The following DHDH variants were observed in gnomAD, a reference collection of about 807,000 sequenced individuals.
The protein encoded by DHDH is trans-1,2-dihydrobenzene-1,2-diol dehydrogenase.
Under a neutral mutation model 33.2 loss-of-function variants are expected in DHDH, and 29 were observed. The ratio of observed to expected loss-of-function variants is 0.87; its 90% CI spans 0.65 to 1.19. The LOEUF (loss-of-function observed/expected upper bound fraction) is 1.19. DHDH is among the 50% of genes most tolerant of loss of function. DHDH has a pLI of 0.00. For missense variants in DHDH, 431 were observed against 455.0 expected, an observed-to-expected ratio of 0.95 and a Z score of 0.48; for synonymous variants, 201 against 187.9, an observed-to-expected ratio of 1.07 and a Z score of -0.57.
chr19:48,932,947 C>A (rs962324188), upstream of DHDH, among the ~76,000 whole-genome samples: 2 of 152,294 alleles, frequency 1.3e-5, no homozygotes, highest in East Asian at 1.9e-4. Flanking sequence ...GAGAGGGCGA[C>A]CTCTTGTCCA....
chr19:48,944,755 T>C (rs2037917324), intron 6 of DHDH, 69 bp from the exon 7 acceptor site: 2 of 1,411,418 alleles, frequency 1.4e-6, no homozygotes, highest in South Asian at 1.2e-5. Context: ...CATGGAATTC[T>C]GGGAATTGTA....
At chr19:48,940,817 C>T (rs1223557718) in intron 4 of DHDH, among the ~76,000 whole-genome samples, 4 of 152,152 alleles carry the variant, frequency 2.6e-5, no homozygotes, top group Admixed American at 6.6e-5. Context: ...GATGGTGCCA[C>T]TGCATTCCAG....
intron 2 of DHDH, among the ~76,000 whole-genome samples, 168 bp from the exon 3 acceptor site, chr19:48,935,864 G>A (rs2037765586): frequency 6.6e-6 from 1 of 152,096 alleles, no homozygotes; most frequent in Admixed American, 6.5e-5. Context: ...AAGAGAGCGA[G>A]AATGGCGAGA....
At chr19:48,944,555 T>A in intron 6 of DHDH, 48 bp downstream of exon 6, 1 of 1,550,006 alleles carries the variant, frequency 6.5e-7, no homozygotes, top group Non-Finnish European at 8.7e-7. Context: ...AGGGGGATGT[T>A]GGGCCCCTCC....
chr19:48,944,248 C>G, intron 5 of DHDH, 109 bp from the exon 6 acceptor site: 1 of 1,464,538 alleles, frequency 6.8e-7, no homozygotes, highest in Non-Finnish European at 9.4e-7. Context: ...AAGCTCTTAG[C>G]CACCAGGTTC....
In DHDH at chr19:48,938,726, A is replaced by G. The variant is rs138813750; in HGVS notation, c.367-723A>G. Among the ~76,000 whole-genome samples, 1,349 of 149,690 alleles carry G rather than the reference A, an allele frequency of 9.0e-3. 24 individuals carry two copies. The highest frequency in any genetic ancestry group is 0.031 in the African/African-American group (1,237 of 40,550). On this transcript the variant is annotated intron_variant, in intron 3 of 6. Coordinates refer to ENST00000221403, the MANE Select transcript of DHDH (RefSeq NM_014475.4). ...ACGGTGCGATCTTCAGCTCACTGCAACCTCCACCTCCCGGGTTCAAGCAAT... is the reference window on the plus strand; with the variant it reads ...ACGGTGCGATCTTCAGCTCACTGCAGCCTCCACCTCCCGGGTTCAAGCAAT...
intron 4 of DHDH, among the ~76,000 whole-genome samples, chr19:48,940,846 A>T (rs974325940): frequency 6.6e-6 from 1 of 151,984 alleles, no homozygotes; most frequent in Admixed American, 6.6e-5. Flanking sequence ...ACAGAGCCAG[A>T]CCCTGTCTCC....
intron 4 of DHDH, among the ~76,000 whole-genome samples, chr19:48,941,839 A>C (rs1157503230): frequency 2.1e-5 from 3 of 145,332 alleles, no homozygotes; most frequent in Non-Finnish European, 4.5e-5. Context: ...CACCCAACTA[A>C]ATTTTTTATT....
chr19:48,933,681 C>T, upstream of DHDH: 4 of 1,604,650 alleles, frequency 2.5e-6, no homozygotes, highest in Non-Finnish European at 3.4e-6. Flanking sequence ...TTAATTCGCG[C>T]CTGGAGGGAC....
intron 4 of DHDH, 94 bp downstream of exon 4, chr19:48,939,795 T>C: frequency 6.7e-7 from 1 of 1,484,504 alleles, no homozygotes; most frequent in South Asian, 1.4e-5. Flanking sequence ...TCAATGAGAA[T>C]TAGATCAGAC....
Position 48,944,924 on chromosome 19 carries a change from C to T in DHDH, c.996C>T (p.Asp332=). ...CCATTGGAGTCACCTTCCCCCAAGA[C>T]AAACGCTGATGTATCCCCGAATAAA... ...RKAIGVTFPQ[D]KR The change falls in exon 7 of 7, where the codon GAC becomes GAT. Residue 332 remains aspartate, a synonymous_variant. Coordinates refer to ENST00000221403, the MANE Select transcript of DHDH (RefSeq NM_014475.4). The T allele has an allele frequency of 1.2e-6, 2 of 1,613,932 alleles. No individual in the cohort carries two copies. The highest frequency in any genetic ancestry group is 1.7e-6 in the Non-Finnish European group (2 of 1,179,836).
At position 48,939,479 on chromosome 19, in the gene DHDH, G is replaced by T. The variant is rs938502581; in HGVS notation, c.397G>T (p.Glu133Ter). The T allele has an allele frequency of 1.9e-6, 3 of 1,613,360 alleles. No individual in the cohort carries two copies. The highest frequency in any genetic ancestry group is 1.7e-6 in the Non-Finnish European group (2 of 1,179,478). Residue 133 changes from glutamate (E) to a stop codon, truncating the protein, a stop_gained, in exon 4 of 7, where the codon GAG (glutamate) becomes TAG (stop). Transcript: ENST00000221403. LOFTEE classifies it high-confidence loss of function. ...AIWTRFFPAS[E>*]ALRSVLAQGT... ...CTGGACCCGCTTCTTTCCTGCCTCC[G>T]AGGCTCTGAGGTCTGTTTTGGCCCA...
At chr19:48,936,942 C>A (rs973818797) in intron 3 of DHDH, among the ~76,000 whole-genome samples, 10 of 151,606 alleles carry the variant, frequency 6.6e-5, no homozygotes, top group Non-Finnish European at 1.3e-4. Flanking sequence ...CGCCACCATG[C>A]CCAGCTAATT....
chr19:48,937,535 G>A (rs1478477128), intron 3 of DHDH, among the ~76,000 whole-genome samples: 29 of 150,612 alleles, frequency 1.9e-4, no homozygotes, highest in Admixed American at 1.9e-3. Flanking sequence ...AAAATTGGCC[G>A]GGCGCGGTGG....
chr19:48,938,639 G>T (rs1427517509), intron 3 of DHDH, among the ~76,000 whole-genome samples: 1 of 146,586 alleles, frequency 6.8e-6, no homozygotes, highest in African/African-American at 2.7e-5. Context: ...CCACCCTAAT[G>T]ACCTCATTTT....
At chr19:48,935,888 TCCTAAGGACAGCTC>T in intron 2 of DHDH, 130 bp from the exon 3 acceptor site, 1 of 847,372 alleles carries the variant, frequency 1.2e-6, no homozygotes, top group Non-Finnish European at 1.7e-6. Context: ...AACAGCCCCT[TCCTAAGGACAGCTC>T]CCTAAGGGAG....
intron 6 of DHDH, 121 bp from the exon 7 acceptor site, chr19:48,944,702 AC>A: frequency 8.5e-7 from 1 of 1,173,650 alleles, no homozygotes; most frequent in Non-Finnish European, 1.2e-6. Context: ...TCTCTCAGGA[AC>A]CCCTGCAGCA....
intron 4 of DHDH, among the ~76,000 whole-genome samples, chr19:48,941,044 C>A (rs2037851918): frequency 6.6e-6 from 1 of 151,682 alleles, no homozygotes. Flanking sequence ...CATTTATTAG[C>A]TTGTGATTCT....
rs1391672833 is a variant in DHDH at position 48,939,705 on chromosome 19, C to T, written c.619+4C>T. The T allele has an allele frequency of 6.3e-7, 1 of 1,591,776 alleles. No individual in the cohort carries two copies. Among genetic ancestry groups the T allele is most frequent in the African/African-American group, 1.3e-5 (1 of 74,506 alleles). ...GTGGGAAGGCGTCATGAAACAGGTA[C>T]CATCTATCCTGGAATATTTCATGGT... On this transcript the variant is annotated splice_donor_region_variant and intron_variant, in intron 4 of 6. Transcript: ENST00000221403.
Sources: allele counts gnomAD v4.1 joint callset (sites outside exome capture counted in the v4.1 genomes callset), GRCh38; gene constraint gnomAD v4.1.1; transcripts MANE v1.5; gene names NCBI Gene and HGNC (gene_info 2026-07-23, HGNC 2026-07-21).